Variants in PDLIM2 observed in about 807,000 individuals in gnomAD.
The protein encoded by PDLIM2 is PDZ and LIM domain protein 2.
In PDLIM2, 51 loss-of-function variants were observed where a neutral mutation model predicts 54.1. The ratio of observed to expected loss-of-function variants is 0.94; its 90% CI spans 0.75 to 1.19. The LOEUF is 1.19. PDLIM2 is among the 50% of genes most tolerant of loss of function. PDLIM2 has a pLI of 0.00. For synonymous variants in PDLIM2, 398 were observed against 385.6 expected (o/e 1.03, Z -0.38); for missense variants, 912 against 874.0 (o/e 1.04, Z -0.55).
chr8:22,594,535 C>T (rs73672793), downstream of PDLIM2: 3,647 of 1,613,960 alleles, frequency 2.3e-3, 53 homozygotes, highest in African/African-American at 0.04. Context: ...TACAGGAGGA[C>T]GCTTGTGCTA....
intron 3 of PDLIM2, 43 bp downstream of exon 2, chr8:22,581,573 T>TCCA: frequency 1.3e-6 from 2 of 1,529,918 alleles, no homozygotes; most frequent in African/African-American, 1.4e-5. Context: ...TTCCCCCTCC[T>TCCA]CCACCACCCC....
intron 9 of PDLIM2, 85 bp downstream of exon 8, chr8:22,591,753 C>CG (rs1445337642): frequency 7.7e-7 from 1 of 1,304,766 alleles, no homozygotes; most frequent in African/African-American, 1.5e-5. Context: ...CAGGAAGGGC[C>CG]GGGCCCATCA....
At position 22,580,419 on chromosome 8, in the gene PDLIM2, G is replaced by A. The variant is rs1028276880; in HGVS notation, c.749-184G>A. On this transcript the variant is annotated intron_variant, in intron 1 of 9. Transcript: ENST00000308354. ...GAAGCATGGCTTCCCAGGGTGGGGG[G>A]AAGTGAAACCGGGCTGAGGGAGGGA... The A allele has an allele frequency of 1.4e-5, 20 of 1,385,226 alleles. No individual in the cohort carries two copies. The African/African-American group carries it at 2.9e-4, about 20-fold the overall frequency. The allele number at this position is 1,385,226 out of a possible 1,614,324, so 85.8% of individuals were successfully genotyped here. A position where few individuals can be genotyped will look rare whatever the true frequency, so the allele number is the denominator to read the frequency against.
At chr8:22,580,764 C>G (rs1800170110) in intron 2 of PDLIM2, 67 bp downstream of exon 1, 2 of 1,497,240 alleles carry the variant, frequency 1.3e-6, no homozygotes, top group African/African-American at 1.4e-5. Context: ...GTTCACCCCA[C>G]TCTGCACAGA....
intron 3 of PDLIM2, 30 bp downstream of exon 2, chr8:22,581,560 G>T (rs1472561361): frequency 4.5e-6 from 7 of 1,538,800 alleles, no homozygotes; most frequent in Non-Finnish European, 6.1e-6. Flanking sequence ...AGAGCCTGTG[G>T]CATTCCCCCT....
chr8:22,584,914 A>AGCCTCAGCACCCTGATC (rs745511921), intron 4 of PDLIM2, 24 bp downstream of exon 3: 11 of 1,613,936 alleles, frequency 6.8e-6, no homozygotes, highest in African/African-American at 1.3e-5. Flanking sequence ...CTCCCCTGAC[A>AGCCTCAGCACCCTGATC]GCCTCAGCAC....
chr8:22,582,366 C>A (rs1800227565), intron 3 of PDLIM2, among the ~76,000 whole-genome samples: 1 of 152,078 alleles, frequency 6.6e-6, no homozygotes. Flanking sequence ...AGGAGCGGGA[C>A]CCCAAGAAGG....
At chr8:22,579,078 C>T (rs1800112508) in exon 1 of PDLIM2, 2 of 1,254,978 alleles carry the variant, frequency 1.6e-6, no homozygotes, top group Non-Finnish European at 2.0e-6. Context: ...AGGGGCGGCC[C>T]CGGGATCACA....
chr8:22,589,323 C>A lies in PDLIM2; in HGVS notation c.1316C>A (p.Ser439Ter). 6.5e-7 allele frequency: 1 copy of A among 1,534,276 alleles called. No individual in the cohort carries two copies. The highest frequency in any genetic ancestry group is 8.7e-7 in the Non-Finnish European group (1 of 1,146,406). The change falls in exon 7 of 10, where the codon TCG becomes TAG. Residue 439 changes from serine to a stop codon, truncating the protein, a stop_gained. Coordinates refer to ENST00000308354, the Ensembl canonical transcript of PDLIM2. LOFTEE classifies it high-confidence loss of function. ...GCCGGCCTCGGCCGCGCTGGCGACTCGGCGGTGCTGGTGCTGCCGCCTTCC... is the reference window on the plus strand; with the variant it reads ...GCCGGCCTCGGCCGCGCTGGCGACTAGGCGGTGCTGGTGCTGCCGCCTTCC...
exon 1 of PDLIM2, chr8:22,579,453 C>G (rs987433415): frequency 6.6e-7 from 1 of 1,518,830 alleles, no homozygotes; most frequent in Non-Finnish European, 8.8e-7. Flanking sequence ...GGCTCCAGAA[C>G]TGGTAGAGCC....
chr8:22,582,060 T>C (rs1238415685), intron 3 of PDLIM2, among the ~76,000 whole-genome samples: 1 of 152,210 alleles, frequency 6.6e-6, no homozygotes, highest in Non-Finnish European at 1.5e-5. Flanking sequence ...GTTTTGAGCC[T>C]ATAAGCCAAG....
chr8:22,579,212 G>T lies in PDLIM2; in HGVS notation c.433G>T (p.Glu145Ter). The change falls in exon 1 of 10, where the codon GAG (glutamate) becomes TAG (stop). Residue 145 changes from glutamate (E) to a stop codon, truncating the protein, a stop_gained. Transcript: ENST00000308354. LOFTEE classifies it high-confidence loss of function. ...GGCCTGGGCGCCCAGCCGGACAGGT[G>T]AGCGGCAGCCAGGTGAGCGCGCCCA... 7.2e-7 allele frequency: 1 copy of T among 1,387,026 alleles called. No homozygotes were observed. 85.9% of individuals were successfully genotyped at this position (1,387,026 alleles called of 1,614,324 possible).
intron 6 of PDLIM2, 141 bp from the exon 6 acceptor site, chr8:22,589,157 G>A (rs1318770205): frequency 1.3e-6 from 1 of 763,288 alleles, no homozygotes; most frequent in African/African-American, 1.8e-5. Context: ...TTGGCTCCAA[G>A]GGAAGGGGCA....
intron 8 of PDLIM2, 154 bp downstream of exon 7, chr8:22,589,895 C>G: frequency 8.9e-7 from 1 of 1,124,534 alleles, no homozygotes; most frequent in South Asian, 1.6e-5. Flanking sequence ...GCCCCAGCCC[C>G]TGCCCATAAG....
chr8:22,593,758 G>T (rs761526772), exon 10 of PDLIM2: 5 of 1,599,790 alleles, frequency 3.1e-6, no homozygotes, highest in Non-Finnish European at 4.3e-6. Flanking sequence ...CATCCAGGAG[G>T]GCCGGTACCG....
intron 8 of PDLIM2, 155 bp downstream of exon 7, chr8:22,589,896 T>G: frequency 1.8e-6 from 2 of 1,093,664 alleles, no homozygotes; most frequent in Non-Finnish European, 2.6e-6. Flanking sequence ...CCCCAGCCCC[T>G]GCCCATAAGG....
At chr8:22,579,787 A>T (rs1409036991) in intron 1 of PDLIM2, 6 of 412,182 alleles carry the variant, frequency 1.5e-5, no homozygotes, top group African/African-American at 4.1e-5. Flanking sequence ...AGGCTCAGGA[A>T]ATCCCACAGG....
exon 1 of PDLIM2, chr8:22,579,098 G>A (rs2117331621): frequency 7.9e-7 from 1 of 1,270,188 alleles, no homozygotes; most frequent in East Asian, 3.2e-5. Flanking sequence ...ATGGGCGGAG[G>A]CAGGTCCGGG....
chr8:22,580,294 C>G, intron 1 of PDLIM2, 181 bp from the exon 1 acceptor site: 2 of 436,946 alleles, frequency 4.6e-6, no homozygotes, highest in Non-Finnish European at 8.3e-6. Context: ...ACTTGCCAGC[C>G]CCTGCCCCCC....
Sources: gnomAD v4.1 joint callset for allele counts (sites outside exome capture counted in the v4.1 genomes callset) on GRCh38, gnomAD v4.1.1 for gene constraint, MANE v1.5 for transcripts, NCBI Gene and HGNC (gene_info 2026-07-23, HGNC 2026-07-21) for gene names.